The following DPP10 variants were observed in gnomAD, a reference collection of about 807,000 sequenced individuals.
DPP10 encodes inactive dipeptidyl peptidase 10.
A neutral mutation model predicts 120.9 loss-of-function variants in DPP10; 33 were observed. The observed-to-expected ratio is 0.27, with a 90% CI of 0.21 to 0.37. The LOEUF (loss-of-function observed/expected upper bound fraction) is 0.37. Ranked by LOEUF, DPP10 falls within the 10% of genes least tolerant of loss-of-function variation. DPP10 has a pLI of 1.00. For missense variants in DPP10, 816 were observed against 942.8 expected (o/e 0.87, Z 1.76); for synonymous variants, 337 against 326.1 (o/e 1.03, Z -0.36).
intron 3 of DPP10, among the ~76,000 whole-genome samples, chr2:115,382,245 G>T (rs955799906): frequency 2.0e-5 from 3 of 152,322 alleles, no homozygotes; most frequent in Admixed American, 1.3e-4. Flanking sequence ...GCCATGTGCG[G>T]GATATAATCT....
At chr2:115,502,197 GT>G (rs1482224402) in intron 4 of DPP10, among the ~76,000 whole-genome samples, 1 of 152,030 alleles carries the variant, frequency 6.6e-6, no homozygotes, top group Non-Finnish European at 1.5e-5. Flanking sequence ...TGATTGGTGT[GT>G]ACTTTTGGTT....
intron 1 of DPP10, among the ~76,000 whole-genome samples, chr2:115,128,550 A>G (rs1010184899): frequency 2.0e-5 from 3 of 152,244 alleles, no homozygotes; most frequent in Admixed American, 6.5e-5. Flanking sequence ...AAATAATGCA[A>G]AAATGTTCAG....
chr2:114,493,908 A>G (rs886500802), intron 1 of DPP10, among the ~76,000 whole-genome samples: 1 of 152,090 alleles, frequency 6.6e-6, no homozygotes, highest in African/African-American at 2.4e-5. Context: ...TTTTTAGCAA[A>G]TAACAGACTT....
At chr2:114,687,171 G>A in intron 1 of DPP10, among the ~76,000 whole-genome samples, 1 of 151,928 alleles carries the variant, frequency 6.6e-6, no homozygotes, top group South Asian at 2.1e-4. Context: ...AGCAGACATT[G>A]GTTGGCTTGA....
At chr2:115,337,022 A>G (rs1375560999) in intron 2 of DPP10, among the ~76,000 whole-genome samples, 1 of 152,014 alleles carries the variant, frequency 6.6e-6, no homozygotes, top group Non-Finnish European at 1.5e-5. Flanking sequence ...TTACGTTGCA[A>G]TGTGAGTAAT....
intron 1 of DPP10, among the ~76,000 whole-genome samples, chr2:115,284,405 TATAATCTCTGGGTAGCTTCAG>T (rs1006709158): frequency 1.3e-5 from 2 of 152,012 alleles, no homozygotes; most frequent in African/African-American, 4.8e-5. Context: ...ATTTTTTGCT[TATAATCTCTGGGTAGCTTCAG>T]TAAGTCAAAA....
chr2:114,532,994 G>C (rs1016504838), intron 1 of DPP10, among the ~76,000 whole-genome samples: 1 of 152,184 alleles, frequency 6.6e-6, no homozygotes, highest in African/African-American at 2.4e-5. Context: ...AGTGTCTTCA[G>C]CTGATTCAGG....
intron 1 of DPP10, among the ~76,000 whole-genome samples, chr2:115,200,997 T>C (rs2055666077): frequency 6.6e-6 from 1 of 152,206 alleles, no homozygotes; most frequent in Non-Finnish European, 1.5e-5. Flanking sequence ...GAGACTTCCA[T>C]GTTCCTCAAT....
intron 1 of DPP10, among the ~76,000 whole-genome samples, chr2:115,120,732 C>T (rs1488309216): frequency 6.6e-6 from 1 of 152,092 alleles, no homozygotes; most frequent in African/African-American, 2.4e-5. Context: ...CATAGGTCAC[C>T]TACAACATAC....
At chr2:115,392,032 T>G (rs566176934) in intron 3 of DPP10, among the ~76,000 whole-genome samples, 1 of 152,268 alleles carries the variant, frequency 6.6e-6, no homozygotes, top group East Asian at 1.9e-4. Flanking sequence ...GACAAATAAG[T>G]TCTCATCTTC....
chr2:115,345,607 C>T (rs1358772959), intron 3 of DPP10, among the ~76,000 whole-genome samples: 1 of 152,000 alleles, frequency 6.6e-6, no homozygotes, highest in Non-Finnish European at 1.5e-5. Flanking sequence ...ATTTTGTAGT[C>T]TTTGACTTTG....
intron 1 of DPP10, among the ~76,000 whole-genome samples, chr2:114,676,076 T>A (rs1371220280): frequency 1.3e-5 from 2 of 152,122 alleles, no homozygotes; most frequent in African/African-American, 4.8e-5. Flanking sequence ...CTGGGATTAC[T>A]GGCATGAGCC....
intron 1 of DPP10, among the ~76,000 whole-genome samples, chr2:115,216,904 CAT>C (rs1457837882): frequency 1.3e-5 from 2 of 151,590 alleles, no homozygotes; most frequent in Non-Finnish European, 2.9e-5. Context: ...TACGTATACA[CAT>C]ATATACACGT....
At chr2:115,746,270 C>A in intron 10 of DPP10, 87 bp downstream of exon 10, 2 of 1,143,112 alleles carry the variant, frequency 1.7e-6, no homozygotes, top group South Asian at 1.3e-5. Context: ...GAGATGTGAT[C>A]AGCTCAACAA....
intron 19 of DPP10, among the ~76,000 whole-genome samples, chr2:115,793,699 T>A (rs989984450): frequency 6.8e-6 from 1 of 147,970 alleles, no homozygotes; most frequent in Non-Finnish European, 1.5e-5. Context: ...GAAGAATGAA[T>A]GAAAATGAGT....
At chr2:115,063,356 T>C (rs1383913231) in intron 1 of DPP10, among the ~76,000 whole-genome samples, 1 of 152,224 alleles carries the variant, frequency 6.6e-6, no homozygotes, top group Non-Finnish European at 1.5e-5. Context: ...AGACTGATGA[T>C]AGTTTCTTTT....
chr2:115,775,127 A>C (rs1261956529), intron 13 of DPP10, among the ~76,000 whole-genome samples: 2 of 152,114 alleles, frequency 1.3e-5, no homozygotes, highest in African/African-American at 4.8e-5. Flanking sequence ...AGTTTTTAAT[A>C]TATGCAATAA....
intron 1 of DPP10, among the ~76,000 whole-genome samples, chr2:114,906,173 T>A (rs1693943616): frequency 6.6e-6 from 1 of 151,638 alleles, no homozygotes. Flanking sequence ...AGGCCAGGAG[T>A]TAGAGACCAG....
chr2:115,237,134 A>T (rs2058044814), intron 1 of DPP10, among the ~76,000 whole-genome samples: 1 of 148,866 alleles, frequency 6.7e-6, no homozygotes, highest in Non-Finnish European at 1.5e-5. Context: ...CAGACAATGC[A>T]TTTTTTTTTT....
Sources: allele counts gnomAD v4.1 joint callset (sites outside exome capture counted in the v4.1 genomes callset), GRCh38; gene constraint gnomAD v4.1.1; transcripts MANE v1.5; gene names NCBI Gene and HGNC (gene_info 2026-07-23, HGNC 2026-07-21).